Variants in RGS8 observed in about 807,000 individuals in gnomAD.
The protein encoded by RGS8 is regulator of G protein signaling 8, also known as regulator of G-protein signaling 8.
In RGS8, 8 loss-of-function variants were observed where a neutral mutation model predicts 21.7. The ratio of observed to expected loss-of-function variants is 0.37; its 90% CI spans 0.22 to 0.66. The LOEUF is 0.66. Among genes scored for constraint, RGS8 ranks in the 30% least tolerant of loss-of-function variants. The probability of loss-of-function intolerance (pLI) is 0.59; values close to 1 mark genes in which losing one functional copy is unlikely to be tolerated. For synonymous variants in RGS8, 80 were observed against 83.6 expected (o/e 0.96, Z 0.24); for missense variants, 157 against 217.9 (o/e 0.72, Z 1.76).
chr1:182,709,383 T>C, the RGS8 span, among the ~76,000 whole-genome samples: 2 of 151,988 alleles, frequency 1.3e-5, no homozygotes, highest in Non-Finnish European at 2.9e-5. Context: ...CACACACACA[T>C]CCTTTCCATA....
At chr1:182,725,802 T>C in the RGS8 span, among the ~76,000 whole-genome samples, 15 of 152,222 alleles carry the variant, frequency 9.9e-5, no homozygotes, top group Non-Finnish European at 2.1e-4. Context: ...TGTGATTCAA[T>C]CAGCCAGGCT....
At chr1:182,660,934 C>T (rs1241350838) in intron 5 of RGS8, among the ~76,000 whole-genome samples, 1 of 152,012 alleles carries the variant, frequency 6.6e-6, no homozygotes, top group East Asian at 1.9e-4. Flanking sequence ...TGGAGTAATG[C>T]TGTTCTAGAA....
chr1:182,732,299 A>C, the RGS8 span, among the ~76,000 whole-genome samples: 3 of 151,562 alleles, frequency 2.0e-5, no homozygotes, highest in East Asian at 5.8e-4. Context: ...ACACACACAC[A>C]CACCCACTGT....
At chr1:182,744,069 C>T in the RGS8 span, among the ~76,000 whole-genome samples, 1 of 152,186 alleles carries the variant, frequency 6.6e-6, no homozygotes, top group Non-Finnish European at 1.5e-5. Context: ...AGTCCCAGAA[C>T]AACTCCTGAC....
the RGS8 span, among the ~76,000 whole-genome samples, chr1:182,731,611 T>C: frequency 2.0e-5 from 3 of 152,184 alleles, no homozygotes; most frequent in Admixed American, 6.5e-5. Flanking sequence ...GGTCTCAACA[T>C]TACAAAAAGC....
chr1:182,734,768 G>C, the RGS8 span: 1 of 152,198 alleles, frequency 6.6e-6, no homozygotes, highest in South Asian at 2.1e-4. Flanking sequence ...GGGAGGTTCA[G>C]AGCCTATAAT....
At chr1:182,726,515 A>G in the RGS8 span, among the ~76,000 whole-genome samples, 1 of 152,168 alleles carries the variant, frequency 6.6e-6, no homozygotes, top group East Asian at 1.9e-4. Flanking sequence ...TACTGAAAAT[A>G]CAAAATTAGC....
In RGS8 at chr1:182,656,100, A is replaced by G. The variant is rs898049035; in HGVS notation, c.194-7797T>C. 8.5e-5 allele frequency among the ~76,000 whole-genome samples: 13 copies of G among 152,258 alleles called. No individual in the cohort carries two copies. The East Asian group carries it at 2.3e-3, about 27-fold the overall frequency. ...CCTAATAGTTCATTATAAGCAGTCA[A>G]TAAGTGTTAGCTCTTAGCAAAGTGT... On this transcript the variant is annotated intron_variant, in intron 5 of 6. Coordinates refer to ENST00000483095, the Ensembl canonical transcript of RGS8.
chr1:182,700,096 G>A, the RGS8 span, among the ~76,000 whole-genome samples: 1 of 152,090 alleles, frequency 6.6e-6, no homozygotes, highest in Non-Finnish European at 1.5e-5. Context: ...GCATAACAAT[G>A]CGCCCCAGAG....
At chr1:182,751,174 T>C in the RGS8 span, among the ~76,000 whole-genome samples, 4 of 152,110 alleles carry the variant, frequency 2.6e-5, no homozygotes, top group African/African-American at 7.2e-5. Flanking sequence ...AATCAGAACA[T>C]GGAAATAAAG....
chr1:182,716,821 C>T, the RGS8 span, among the ~76,000 whole-genome samples: 1 of 152,122 alleles, frequency 6.6e-6, no homozygotes, highest in Non-Finnish European at 1.5e-5. Context: ...AATACAAATG[C>T]CACCACCTAG....
the RGS8 span, among the ~76,000 whole-genome samples, chr1:182,722,363 CAAAAAAAAAAAA>C: frequency 5.0e-5 from 4 of 79,410 alleles, no homozygotes; most frequent in Non-Finnish European, 9.6e-5. Flanking sequence ...AGCAAATTAC[CAAAAAAAAAAAA>C]AAAAAAAAAA....
At chr1:182,656,123 T>C (rs12409524) in intron 5 of RGS8, among the ~76,000 whole-genome samples, 10,389 of 152,234 alleles carry the variant, frequency 0.068, 657 homozygotes, top group African/African-American at 0.15. Context: ...CTTAGCAAAG[T>C]GTGTTTTATA....
the RGS8 span, among the ~76,000 whole-genome samples, chr1:182,699,357 G>A: frequency 2.0e-5 from 3 of 152,238 alleles, no homozygotes; most frequent in African/African-American, 7.2e-5. Context: ...GGGATGGAGT[G>A]TAGAGAGGAG....
At chr1:182,747,942 C>T in the RGS8 span, among the ~76,000 whole-genome samples, 2 of 150,790 alleles carry the variant, frequency 1.3e-5, no homozygotes, top group Non-Finnish European at 3.0e-5. Flanking sequence ...TTTCCTGGCT[C>T]TTTATTTTTG....
chr1:182,727,190 T>C, the RGS8 span, among the ~76,000 whole-genome samples: 1 of 152,192 alleles, frequency 6.6e-6, no homozygotes, highest in Admixed American at 6.5e-5. Flanking sequence ...CCACCTGGCT[T>C]CAAATCCTGC....
chr1:182,683,627 CAAA>C (rs397863359), intron 1 of RGS8, among the ~76,000 whole-genome samples: 24 of 60,676 alleles, frequency 4.0e-4, no homozygotes, highest in African/African-American at 7.3e-4. Flanking sequence ...TCCCAGTGCT[CAAA>C]AAAAAAAAAA....
At chr1:182,713,924 G>C in the RGS8 span, among the ~76,000 whole-genome samples, 1 of 152,194 alleles carries the variant, frequency 6.6e-6, no homozygotes, top group African/African-American at 2.4e-5. Flanking sequence ...AAGAAAAGTA[G>C]AAGTACACAT....
chr1:182,642,789 C>A (rs549915744), downstream of RGS8: 1 of 152,194 alleles, frequency 6.6e-6, no homozygotes, highest in Non-Finnish European at 1.5e-5. Flanking sequence ...GCCCACCCAA[C>A]GTGGGACCAA....
Sources: gnomAD v4.1 joint callset for allele counts (sites outside exome capture counted in the v4.1 genomes callset) on GRCh38, gnomAD v4.1.1 for gene constraint, MANE v1.5 for transcripts, NCBI Gene and HGNC (gene_info 2026-07-23, HGNC 2026-07-21) for gene names.